Variants in DCC observed in about 807,000 individuals in gnomAD.
The protein encoded by DCC is DCC netrin 1 receptor, also known as netrin receptor DCC.
Under a neutral mutation model 172.5 loss-of-function variants are expected in DCC, and 58 were observed. The ratio of observed to expected loss-of-function variants is 0.34; its 90% CI spans 0.27 to 0.42. The LOEUF (loss-of-function observed/expected upper bound fraction) is 0.42. Among genes scored for constraint, DCC ranks in the 10% least tolerant of loss-of-function variants. The probability of loss-of-function intolerance (pLI) is 1.00; values close to 1 mark genes in which losing one functional copy is unlikely to be tolerated. For synonymous variants in DCC, 709 were observed against 644.5 expected, an observed-to-expected ratio of 1.10 and a Z score of -1.52; for missense variants, 1,740 against 1,791.0, an observed-to-expected ratio of 0.97 and a Z score of 0.51.
At chr18:53,262,835 T>C (rs1441198817) in intron 12 of DCC, among the ~76,000 whole-genome samples, 1 of 152,224 alleles carries the variant, frequency 6.6e-6, no homozygotes, top group East Asian at 1.9e-4. Context: ...GCTAATAAAA[T>C]ATTTAACTCC....
intron 2 of DCC, among the ~76,000 whole-genome samples, chr18:52,840,020 G>A (rs117625587): frequency 0.022 from 3,383 of 152,242 alleles, 58 homozygotes; most frequent in Admixed American, 0.041. Context: ...TGCCCTATAC[G>A]CAAGGTTTCT....
chr18:53,186,140 T>C (rs2055279196), intron 9 of DCC, among the ~76,000 whole-genome samples: 3 of 152,212 alleles, frequency 2.0e-5, no homozygotes, highest in African/African-American at 7.2e-5. Context: ...GCTTCTTCAG[T>C]TGGTATAACC....
intron 2 of DCC, among the ~76,000 whole-genome samples, chr18:52,840,141 G>A (rs190635667): frequency 6.5e-4 from 99 of 152,290 alleles, no homozygotes; most frequent in African/African-American, 1.7e-3. Flanking sequence ...AACCACTGAA[G>A]CCTGTCTAAA....
At chr18:52,582,865 T>A (rs2033584581) in intron 1 of DCC, among the ~76,000 whole-genome samples, 2 of 152,172 alleles carry the variant, frequency 1.3e-5, no homozygotes, top group African/African-American at 2.4e-5. Context: ...AATGACAACT[T>A]TTTTTTCTGG....
chr18:52,513,392 C>CA (rs566372719), intron 1 of DCC, among the ~76,000 whole-genome samples: 1,557 of 146,264 alleles, frequency 0.011, 10 homozygotes, highest in Non-Finnish European at 0.017. Flanking sequence ...CTCTGTAAAA[C>CA]AAAGTTAATA....
intron 1 of DCC, among the ~76,000 whole-genome samples, chr18:52,382,599 T>G (rs1985631867): frequency 6.6e-6 from 1 of 152,124 alleles, no homozygotes; most frequent in Non-Finnish European, 1.5e-5. Context: ...TACTCTGGTG[T>G]TGTAATGACG....
intron 15 of DCC, among the ~76,000 whole-genome samples, chr18:53,358,290 G>T (rs1199600047): frequency 6.6e-6 from 1 of 151,844 alleles, no homozygotes; most frequent in Non-Finnish European, 1.5e-5. Context: ...CTTTTCAAAT[G>T]TTCTTGATCA....
intron 12 of DCC, among the ~76,000 whole-genome samples, chr18:53,282,715 T>C (rs1285239235): frequency 6.6e-6 from 1 of 152,076 alleles, no homozygotes; most frequent in Non-Finnish European, 1.5e-5. Flanking sequence ...TTTTTTCAAG[T>C]GGGGAATGAG....
At chr18:52,970,382 G>A (rs2041010905) in intron 5 of DCC, among the ~76,000 whole-genome samples, 1 of 152,098 alleles carries the variant, frequency 6.6e-6, no homozygotes, top group African/African-American at 2.4e-5. Context: ...TTATGAGAAA[G>A]TGGAGAAGCC....
At chr18:52,678,556 C>T (rs982748513) in intron 1 of DCC, among the ~76,000 whole-genome samples, 2 of 151,976 alleles carry the variant, frequency 1.3e-5, no homozygotes, top group Admixed American at 6.6e-5. Context: ...TCTTTCCGCT[C>T]GACATGTAAG....
chr18:52,905,166 G>T (rs955485031), intron 2 of DCC, among the ~76,000 whole-genome samples: 1 of 151,944 alleles, frequency 6.6e-6, no homozygotes, highest in Non-Finnish European at 1.5e-5. Flanking sequence ...TGTATGTAAT[G>T]GCCAGTTTAT....
At position 53,467,994 on chromosome 18, in the gene DCC, C is replaced by T; in HGVS notation, c.3720C>T (p.Ala1240=). ...CCAAGCTCATGATTCCCATGGATGC[C>T]CAGTCCAACAATCCTGGTGAGTCAA... ...PRAKLMIPMD[A]QSNNPAVVSA... Residue 1240 remains alanine, a synonymous_variant, in exon 25 of 29, where the codon GCC becomes GCT. Transcript: ENST00000442544. The T allele has an allele frequency of 6.3e-7, 1 of 1,584,868 alleles. No individual in the cohort carries two copies. Among genetic ancestry groups the T allele is most frequent in the Non-Finnish European group, 8.7e-7 (1 of 1,153,658 alleles).
intron 1 of DCC, among the ~76,000 whole-genome samples, chr18:52,535,525 C>A (rs903397577): frequency 6.6e-6 from 1 of 152,100 alleles, no homozygotes; most frequent in Non-Finnish European, 1.5e-5. Flanking sequence ...AGCTTGTGGG[C>A]AGACATTTTA....
intron 2 of DCC, among the ~76,000 whole-genome samples, chr18:52,778,346 G>T (rs1029714638): frequency 2.0e-5 from 3 of 151,874 alleles, no homozygotes; most frequent in African/African-American, 7.3e-5. Context: ...TGAATCTTGG[G>T]GTGTCTTTAA....
intron 5 of DCC, among the ~76,000 whole-genome samples, chr18:53,029,107 C>T (rs1428620983): frequency 1.3e-5 from 2 of 150,690 alleles, no homozygotes; most frequent in African/African-American, 5.0e-5. Context: ...CTAAAAATTA[C>T]CCAAATGTGG....
At chr18:53,470,482 A>G (rs1054412566) in intron 25 of DCC, among the ~76,000 whole-genome samples, 8 of 151,950 alleles carry the variant, frequency 5.3e-5, no homozygotes, top group African/African-American at 1.9e-4. Context: ...CCCAGTTCCA[A>G]AGTCACATCC....
chr18:52,427,190 T>C (rs1289610342), intron 1 of DCC, among the ~76,000 whole-genome samples: 5 of 152,094 alleles, frequency 3.3e-5, no homozygotes, highest in African/African-American at 1.2e-4. Flanking sequence ...GTCATGAAGA[T>C]AAAACTGAAG....
intron 15 of DCC, among the ~76,000 whole-genome samples, chr18:53,346,605 T>C (rs188751563): frequency 1.1e-3 from 166 of 152,276 alleles, no homozygotes; most frequent in Non-Finnish European, 1.9e-3. Flanking sequence ...TTTTAAAACA[T>C]TGTCCTCTTT....
chr18:53,256,586 C>T (rs1366806303), intron 12 of DCC, among the ~76,000 whole-genome samples: 3 of 152,084 alleles, frequency 2.0e-5, no homozygotes, highest in Admixed American at 6.6e-5. Context: ...TGTTTTGGTA[C>T]CAGTACCATG....
Sources: allele counts gnomAD v4.1 joint callset (sites outside exome capture counted in the v4.1 genomes callset), GRCh38; gene constraint gnomAD v4.1.1; transcripts MANE v1.5; gene names NCBI Gene and HGNC (gene_info 2026-07-23, HGNC 2026-07-21).